The following PPP2R2B variants were observed in gnomAD, a reference collection of about 807,000 sequenced individuals.
The protein encoded by PPP2R2B is protein phosphatase 2 regulatory subunit Bbeta.
Under a neutral mutation model 46.0 loss-of-function variants are expected in PPP2R2B, and 5 were observed. That is an observed-to-expected ratio of 0.11 (90% CI 0.06 to 0.23). PPP2R2B has a LOEUF of 0.23. Among genes scored for constraint, PPP2R2B ranks in the 10% least tolerant of loss-of-function variants. The pLI is 1.00. For synonymous variants in PPP2R2B, 215 were observed against 206.7 expected, an observed-to-expected ratio of 1.04 and a Z score of -0.34; for missense variants, 367 against 575.0, an observed-to-expected ratio of 0.64 and a Z score of 3.70.
intron 2 of PPP2R2B, among the ~76,000 whole-genome samples, chr5:146,756,866 A>T (rs1255638479): frequency 6.6e-6 from 1 of 152,214 alleles, no homozygotes; most frequent in Non-Finnish European, 1.5e-5. Flanking sequence ...ATTACTGCAC[A>T]GCTCTCTGCC....
chr5:146,898,604 A>G (rs4599585), intron 1 of PPP2R2B, among the ~76,000 whole-genome samples: 63,992 of 143,378 alleles, frequency 0.45, 15,416 homozygotes, highest in East Asian at 0.69. Context: ...CAATGGCAAC[A>G]AAAGCCAAAA....
chr5:147,074,412 A>C (rs1239654375), intron 2 of PPP2R2B, among the ~76,000 whole-genome samples: 1 of 152,222 alleles, frequency 6.6e-6, no homozygotes, highest in Non-Finnish European at 1.5e-5. Flanking sequence ...GAGCAAGGCA[A>C]GTAGGGCTCC....
chr5:147,041,632 A>T (rs1239483625), intron 1 of PPP2R2B, among the ~76,000 whole-genome samples: 1 of 152,030 alleles, frequency 6.6e-6, no homozygotes, highest in Non-Finnish European at 1.5e-5. Flanking sequence ...CTTAGAAGGC[A>T]CTGGGGTACT....
chr5:146,977,366 C>G (rs80355963), intron 1 of PPP2R2B, among the ~76,000 whole-genome samples: 1 of 151,876 alleles, frequency 6.6e-6, no homozygotes, highest in East Asian at 1.9e-4. Flanking sequence ...GTAACAGTCT[C>G]TTTTAATATT....
intron 6 of PPP2R2B, among the ~76,000 whole-genome samples, chr5:146,648,209 T>C (rs781777520): frequency 5.9e-5 from 9 of 152,172 alleles, no homozygotes; most frequent in African/African-American, 7.2e-5. Context: ...CTTGTGATCT[T>C]CCATGACCTT....
chr5:146,857,478 A>C (rs1011721676), intron 2 of PPP2R2B, among the ~76,000 whole-genome samples: 1 of 152,164 alleles, frequency 6.6e-6, no homozygotes. Context: ...TGGAGTAGAT[A>C]ATGAGTTTTA....
chr5:146,912,281 G>T (rs1202908567), intron 1 of PPP2R2B, among the ~76,000 whole-genome samples: 1 of 147,758 alleles, frequency 6.8e-6, no homozygotes, highest in African/African-American at 2.5e-5. Context: ...GAGAGGTACA[G>T]CATACCCTAA....
In PPP2R2B at chr5:146,844,277, G is replaced by A. The variant is rs373350946; in HGVS notation, c.70+33725C>T. Among the ~76,000 whole-genome samples, 749 of 149,612 alleles carry A rather than the reference G, an allele frequency of 5.0e-3. 3 individuals are homozygous for A. The highest frequency in any genetic ancestry group is 0.017 in the African/African-American group (706 of 40,608). On this transcript the variant is annotated intron_variant, in intron 2 of 9. Transcript: ENST00000394411. ...TAGATGACACGTTAGTGGGTGCAGC[G>A]CACCAGCATGGCACATGTATACATA...
At chr5:146,815,679 G>T (rs1048593098) in intron 2 of PPP2R2B, among the ~76,000 whole-genome samples, 1 of 152,330 alleles carries the variant, frequency 6.6e-6, no homozygotes, top group South Asian at 2.1e-4. Flanking sequence ...GTTGCAGCCT[G>T]CGGGCTCCTG....
At chr5:146,769,441 G>A (rs1159256961) in intron 2 of PPP2R2B, among the ~76,000 whole-genome samples, 1 of 152,116 alleles carries the variant, frequency 6.6e-6, no homozygotes, top group Admixed American at 6.5e-5. Context: ...TTTCCTACAT[G>A]TTTATCGTAA....
intron 2 of PPP2R2B, among the ~76,000 whole-genome samples, chr5:147,075,113 C>T (rs952122239): frequency 9.2e-5 from 14 of 152,052 alleles, no homozygotes; most frequent in African/African-American, 3.4e-4. Flanking sequence ...AAATCAGACA[C>T]CAAGTCTCAA....
At chr5:146,757,597 C>T (rs892791257) in intron 2 of PPP2R2B, among the ~76,000 whole-genome samples, 1 of 152,114 alleles carries the variant, frequency 6.6e-6, no homozygotes, top group Non-Finnish European at 1.5e-5. Context: ...TCACTAGTTG[C>T]TATGTGTCTT....
chr5:146,833,914 CTCA>C (rs1759114823), intron 2 of PPP2R2B, among the ~76,000 whole-genome samples: 1 of 152,142 alleles, frequency 6.6e-6, no homozygotes, highest in South Asian at 2.1e-4. Context: ...TTAAAGATAA[CTCA>C]TCATGTGAAT....
intron 2 of PPP2R2B, among the ~76,000 whole-genome samples, chr5:146,830,596 C>T (rs2151349250): frequency 6.6e-6 from 1 of 151,212 alleles, no homozygotes; most frequent in African/African-American, 2.4e-5. Context: ...ATGATCTTGG[C>T]TCACTGCAAT....
intron 2 of PPP2R2B, among the ~76,000 whole-genome samples, chr5:146,815,022 C>T (rs1460968999): frequency 2.6e-5 from 4 of 152,142 alleles, no homozygotes; most frequent in Admixed American, 6.5e-5. Context: ...TTTGGTGCCA[C>T]GTGACTCAGA....
At chr5:147,027,318 T>C (rs1449823123) in intron 1 of PPP2R2B, among the ~76,000 whole-genome samples, 1 of 150,668 alleles carries the variant, frequency 6.6e-6, no homozygotes, top group African/African-American at 2.4e-5. Flanking sequence ...GTTAATTTTA[T>C]GTTGTATGGA....
intron 2 of PPP2R2B, among the ~76,000 whole-genome samples, chr5:146,733,450 T>G (rs1332127441): frequency 6.6e-6 from 1 of 152,206 alleles, no homozygotes; most frequent in East Asian, 1.9e-4. Context: ...GCTCTCTAAT[T>G]ATAAATATTC....
chr5:146,628,991 T>C (rs1218262999), intron 7 of PPP2R2B, among the ~76,000 whole-genome samples: 1 of 152,184 alleles, frequency 6.6e-6, no homozygotes, highest in Non-Finnish European at 1.5e-5. Flanking sequence ...CCCTACCCCA[T>C]TGGTAAATGT....
chr5:146,606,303 G>A (rs936517648), intron 7 of PPP2R2B, among the ~76,000 whole-genome samples: 7 of 152,088 alleles, frequency 4.6e-5, no homozygotes, highest in Admixed American at 3.9e-4. Context: ...CATGTAGAGG[G>A]GTTAGGAGGG....
Sources: allele counts gnomAD v4.1 joint callset (sites outside exome capture counted in the v4.1 genomes callset), GRCh38; gene constraint gnomAD v4.1.1; transcripts MANE v1.5; gene names NCBI Gene and HGNC (gene_info 2026-07-23, HGNC 2026-07-21).